The following ZBTB41 variants were observed in gnomAD, a reference collection of about 807,000 sequenced individuals.
ZBTB41 encodes the protein zinc finger and BTB domain containing 41, also known as zinc finger and BTB domain-containing protein 41.
ZBTB41 carries 42 observed loss-of-function variants against 87.6 expected under a neutral mutation model. That is an observed-to-expected ratio of 0.48 (90% confidence interval 0.37 to 0.62). The LOEUF is 0.62. Among genes scored for constraint, ZBTB41 ranks in the 20% least tolerant of loss-of-function variants. The pLI, the probability that ZBTB41 is intolerant of heterozygous loss-of-function variation, is 0.00. For missense variants in ZBTB41, 799 were observed against 1,078.9 expected (o/e 0.74, Z 3.63); for synonymous variants, 364 against 364.0 (o/e 1.00, Z 0.00).
chr1:197,171,137 A>C (rs2125127294), intron 10 of ZBTB41, among the ~76,000 whole-genome samples: 1 of 152,110 alleles, frequency 6.6e-6, no homozygotes, highest in East Asian at 1.9e-4. Context: ...TTTGAAATTA[A>C]CTTTCTGTAA....
rs759486746 is a variant in ZBTB41, at chr1:197,154,422, A to T, written c.*4937T>A. The T allele has an allele frequency of 3.1e-4, 47 of 152,234 alleles. 1 individual carries two copies. The highest frequency in any genetic ancestry group is 3.4e-3 in the Middle Eastern group (1 of 296). The allele number at this position is 152,234 out of a possible 1,614,324, so 9.4% of individuals were successfully genotyped here. The stretch of plus-strand genomic sequence containing the variant: ...GTAATTGGCTGCATAGGCTAAATTT[A>T]AATTGTTTTAGGATTTTTCTCAAGA... On this transcript the variant is annotated 3_prime_UTR_variant, in exon 11 of 11. Coordinates refer to ENST00000367405, the MANE Select transcript of ZBTB41 (RefSeq NM_194314.3).
intron 10 of ZBTB41, among the ~76,000 whole-genome samples, chr1:197,164,580 G>A (rs1209686821): frequency 6.7e-6 from 1 of 149,552 alleles, no homozygotes; most frequent in Non-Finnish European, 1.5e-5. Context: ...ATCCAAAAGA[G>A]TGCTGGTAAT....
At chr1:197,178,313 A>C (rs373969652) in intron 7 of ZBTB41, 104 bp downstream of exon 7, 9 of 746,814 alleles carry the variant, frequency 1.2e-5, no homozygotes, top group African/African-American at 1.1e-4. Flanking sequence ...GCATATCATA[A>C]GGACTAAGAA....
rs576981734 is a variant in ZBTB41, at chr1:197,157,445, T to C, written c.*1914A>G. 1 of 151,784 alleles carries C rather than the reference T, an allele frequency of 6.6e-6. No homozygotes were observed. The highest frequency in any genetic ancestry group is 2.1e-4 in the South Asian group (1 of 4,822). 9.4% of individuals were successfully genotyped at this position (151,784 alleles called of 1,614,324 possible). The stretch of plus-strand genomic sequence containing the variant: ...TATAGTAAGATTTTTAGTTATAATA[T>C]TGCCAGTCTTTATGATGAAAATCAT... On this transcript the variant is annotated 3_prime_UTR_variant, in exon 11 of 11. Coordinates refer to ENST00000367405, the MANE Select transcript of ZBTB41 (RefSeq NM_194314.3).
At chr1:197,197,604 G>A (rs1410349927) in intron 2 of ZBTB41, among the ~76,000 whole-genome samples, 1 of 115,072 alleles carries the variant, frequency 8.7e-6, no homozygotes, top group Non-Finnish European at 1.9e-5. Context: ...AGGAAGGAAG[G>A]AAGGAAGGAG....
chr1:197,165,820 G>A (rs1337604172), intron 10 of ZBTB41, among the ~76,000 whole-genome samples: 1 of 152,112 alleles, frequency 6.6e-6, no homozygotes, highest in Admixed American at 6.6e-5. Context: ...GGCCAAACAG[G>A]AACAGCTCCA....
intron 5 of ZBTB41, among the ~76,000 whole-genome samples, chr1:197,181,477 G>A (rs1334441363): frequency 1.3e-5 from 2 of 152,102 alleles, no homozygotes; most frequent in African/African-American, 4.8e-5. Context: ...ACTTAAGAGA[G>A]TTTATAGTTT....
chr1:197,191,950 G>A (rs1660046986), intron 2 of ZBTB41, 51 bp from the exon 3 acceptor site: 1 of 1,429,964 alleles, frequency 7.0e-7, no homozygotes, highest in African/African-American at 1.4e-5. Flanking sequence ...GCTATACTGT[G>A]ATTGGAATTT....
chr1:197,167,731 G>C (rs1235143500), intron 10 of ZBTB41, among the ~76,000 whole-genome samples: 2 of 151,968 alleles, frequency 1.3e-5, no homozygotes, highest in Non-Finnish European at 2.9e-5. Context: ...AAATAAACTA[G>C]GGATAGTAAT....
rs76006081 is a variant in ZBTB41, at chr1:197,184,877, C to T, written c.1546+3415G>A. 7.2e-3 allele frequency among the ~76,000 whole-genome samples: 1,097 copies of T among 152,064 alleles called. 16 individuals carry two copies. Among genetic ancestry groups the T allele is most frequent in the African/African-American group, 0.026 (1,059 of 41,506 alleles). On this transcript the variant is annotated intron_variant, in intron 5 of 10. Transcript: ENST00000367405. ...TTGCCCAGGCTGGTGTGCAATAGCGCGATCTTGACTCACCACAACCTCCGC... is the reference window on the plus strand; with the variant it reads ...TTGCCCAGGCTGGTGTGCAATAGCGTGATCTTGACTCACCACAACCTCCGC...
Position 197,175,133 on chromosome 1 carries a change from A to G in ZBTB41, c.1880-18T>C. The G allele has an allele frequency of 6.3e-7, 1 of 1,595,552 alleles. No individual in the cohort carries two copies. The highest frequency in any genetic ancestry group is 8.6e-7 in the Non-Finnish European group (1 of 1,166,672). On this transcript the variant is annotated intron_variant, in intron 8 of 10. Coordinates refer to ENST00000367405, the MANE Select transcript of ZBTB41 (RefSeq NM_194314.3). ...TTTTTCACCTTAAAATAAAGACCCA[A>G]ATATTTTCATTATAATATACATCTC...
rs779864527 is a variant in ZBTB41, at chr1:197,199,509, T to C, written c.965A>G (p.Glu322Gly). 3.1e-6 allele frequency: 5 copies of C among 1,612,272 alleles called. No homozygotes were observed. The East Asian group carries it at 8.9e-5, about 29-fold the overall frequency. Residue 322 changes from glutamate to glycine, a missense_variant, in exon 2 of 11, where the codon GAA becomes GGA. Physicochemically the swap from Glu to Gly is moderately conservative, Grantham distance 98 (BLOSUM62 -2). Around this residue, in one of 5 missense-constraint regions of ZBTB41, gnomAD observed 294 missense variants for 340.1 expected, o/e 0.86. Coordinates refer to ENST00000367405, the MANE Select transcript of ZBTB41 (RefSeq NM_194314.3). ...ATCATTATGATCCTTTTCACTTTGT[T>C]CTTCAATGTCAGAGTACTCATCTGA... is the stretch of plus-strand genomic sequence containing the variant. Reference protein sequence around the residue: ...EMSDEYSDIEEQSEKDHNDAE... With the variant: ...EMSDEYSDIEGQSEKDHNDAE...
At chr1:197,176,822 C>T in intron 7 of ZBTB41, 152 bp from the exon 8 acceptor site, 1 of 615,178 alleles carries the variant, frequency 1.6e-6, no homozygotes, top group Non-Finnish European at 2.8e-6. Flanking sequence ...TTTCAGAGTC[C>T]TTTTCAGTCT....
In ZBTB41 at chr1:197,192,732, A is replaced by G. The variant is rs145493500; in HGVS notation, c.1121-833T>C. On this transcript the variant is annotated intron_variant, in intron 2 of 10. Transcript: ENST00000367405. Reference sequence around the variant, plus strand: ...TTTCTTCAGGTGAAAACTAATGTGAAAGTATAGCATTTCAGTCATATACTT... The same window carrying G: ...TTTCTTCAGGTGAAAACTAATGTGAGAGTATAGCATTTCAGTCATATACTT... Among the ~76,000 whole-genome samples, 961 of 152,282 alleles carry G rather than the reference A, an allele frequency of 6.3e-3. 9 individuals carry two copies. The highest frequency in any genetic ancestry group is 0.022 in the African/African-American group (896 of 41,566).
In ZBTB41 at chr1:197,177,213, C is replaced by A. The variant is rs994299196; in HGVS notation, c.1773-543G>T. 2.0e-5 allele frequency among the ~76,000 whole-genome samples: 3 copies of A among 152,072 alleles called. No individual in the cohort carries two copies. The South Asian group carries it at 6.2e-4, about 31-fold the overall frequency. ...GTGGCAGGTAACTGGATCATGGGGG[C>A]AGTTTCCCCATGCTGTTCTTGTAAC... On this transcript the variant is annotated intron_variant, in intron 7 of 10. Transcript: ENST00000367405.
intron 2 of ZBTB41, among the ~76,000 whole-genome samples, chr1:197,198,508 G>A (rs990000274): frequency 3.3e-5 from 5 of 152,050 alleles, no homozygotes; most frequent in Admixed American, 3.3e-4. Flanking sequence ...ATCATTATAT[G>A]TGGTAGAATA....
At position 197,159,403 on chromosome 1, in the gene ZBTB41, T is replaced by G. The variant is rs752199064; in HGVS notation, c.2686A>C (p.Thr896Pro). The change falls in exon 11 of 11, where the codon ACT becomes CCT. Residue 896 changes from threonine (T) to proline (P), a missense_variant. By Grantham distance (38) the Thr-to-Pro change is conservative (BLOSUM62 -1). Coordinates refer to ENST00000367405, the MANE Select transcript of ZBTB41 (RefSeq NM_194314.3). Reference protein sequence around the residue: ...YLGTLLGLDSTTGVQNISTNE... With the variant: ...YLGTLLGLDSPTGVQNISTNE... ...GTAGAAATATTTTGAACACCAGTAG[T>G]GCTATCAAGGCCCAGTAATGTTCCA... 1 of 1,613,852 alleles carries G rather than the reference T, an allele frequency of 6.2e-7. No homozygotes were observed. Among genetic ancestry groups the G allele is most frequent in the African/African-American group, 1.3e-5 (1 of 75,038 alleles).
chr1:197,169,192 T>C (rs1257178583), intron 10 of ZBTB41, among the ~76,000 whole-genome samples: 2 of 151,986 alleles, frequency 1.3e-5, no homozygotes, highest in African/African-American at 2.4e-5. Flanking sequence ...GTAGAACATA[T>C]GCATATCCTA....
chr1:197,156,687 A>C lies in ZBTB41; in HGVS notation c.*2672T>G, dbSNP rs1320020272. ...ATCCATGAGGTTTTCACAATTGTAA[A>C]ATTTCTTACATTTTTGGAAATTAGA... On this transcript the variant is annotated 3_prime_UTR_variant, in exon 11 of 11. Transcript: ENST00000367405. 3 of 152,204 alleles carry C rather than the reference A, an allele frequency of 2.0e-5. No individual in the cohort carries two copies. Among genetic ancestry groups the C allele is most frequent in the African/African-American group, 7.2e-5 (3 of 41,396 alleles). 9.4% of individuals were successfully genotyped at this position (152,204 alleles called of 1,614,324 possible). A position where few individuals can be genotyped will look rare whatever the true frequency, so the allele number is the denominator to read the frequency against.
Sources: gnomAD v4.1 joint callset for allele counts (sites outside exome capture counted in the v4.1 genomes callset) on GRCh38, gnomAD v4.1.1 for gene constraint, gnomAD v4.1.1 regional missense constraint, MANE v1.5 for transcripts, NCBI Gene and HGNC (gene_info 2026-07-23, HGNC 2026-07-21) for gene names.